The following GABRB1 variants were observed in gnomAD, a reference collection of about 807,000 sequenced individuals.
GABRB1 encodes the protein gamma-aminobutyric acid type A receptor subunit beta1.
In GABRB1, 17 loss-of-function variants were observed where a neutral mutation model predicts 51.6. That is an observed-to-expected ratio of 0.33 (90% CI 0.23 to 0.49). The LOEUF is 0.49. Among genes scored for constraint, GABRB1 ranks in the 20% least tolerant of loss-of-function variants. GABRB1 has a pLI of 0.99. For synonymous variants in GABRB1, 247 were observed against 218.9 expected (o/e 1.13, Z -1.14); for missense variants, 410 against 600.6 (o/e 0.68, Z 3.32).
chr4:47,053,330 C>G (rs981446776), intron 3 of GABRB1, among the ~76,000 whole-genome samples: 3 of 152,106 alleles, frequency 2.0e-5, no homozygotes, highest in Non-Finnish European at 4.4e-5. Context: ...GATGAAGGCA[C>G]CAGCAGGTCT....
chr4:47,320,118 C>T lies in GABRB1; in HGVS notation c.462-9C>T, dbSNP rs537824640. On this transcript the variant is annotated splice_polypyrimidine_tract_variant and intron_variant, in intron 4 of 8. Transcript: ENST00000295454. ...TAATGTTTTCTTTTTTCTCTCTCCT[C>T]TCTATCAGAATCACAACCACAGCTG... The T allele has an allele frequency of 1.9e-5, 30 of 1,559,010 alleles. No homozygotes were observed. In the East Asian group the frequency reaches 4.9e-4, roughly 26 times the overall value.
intron 4 of GABRB1, among the ~76,000 whole-genome samples, chr4:47,219,643 A>G (rs1041560346): frequency 1.3e-5 from 2 of 151,854 alleles, no homozygotes; most frequent in Non-Finnish European, 2.9e-5. Context: ...GTCAACATTC[A>G]TGTTGTAAAC....
intron 4 of GABRB1, among the ~76,000 whole-genome samples, chr4:47,286,975 T>C (rs977269642): frequency 3.3e-5 from 5 of 152,114 alleles, no homozygotes; most frequent in African/African-American, 1.2e-4. Flanking sequence ...CAAGTAAAAC[T>C]CATGGCTGGG....
chr4:47,333,980 A>G (rs1157400734), intron 5 of GABRB1, among the ~76,000 whole-genome samples: 1 of 152,178 alleles, frequency 6.6e-6, no homozygotes. Context: ...AGACAAAAAA[A>G]TTTCACTGAA....
At chr4:47,397,513 T>G (rs1401653456) in intron 5 of GABRB1, among the ~76,000 whole-genome samples, 1 of 152,198 alleles carries the variant, frequency 6.6e-6, no homozygotes, top group African/African-American at 2.4e-5. Flanking sequence ...GTTGTAAGTA[T>G]TGAGATTGTA....
At chr4:47,106,341 T>C (rs1714969467) in intron 3 of GABRB1, among the ~76,000 whole-genome samples, 1 of 152,000 alleles carries the variant, frequency 6.6e-6, no homozygotes, top group South Asian at 2.1e-4. Flanking sequence ...AGGGTAGGAA[T>C]TTCTAGAGGC....
intron 1 of GABRB1, among the ~76,000 whole-genome samples, chr4:47,024,253 T>C (rs2109455342): frequency 6.6e-6 from 1 of 152,098 alleles, no homozygotes; most frequent in African/African-American, 2.4e-5. Flanking sequence ...GCTTCTGGAA[T>C]TTACTTCCTA....
chr4:47,085,460 C>G (rs1178912124), intron 3 of GABRB1, among the ~76,000 whole-genome samples: 1 of 152,158 alleles, frequency 6.6e-6, no homozygotes, highest in Non-Finnish European at 1.5e-5. Flanking sequence ...AATTTCTGCG[C>G]TCATCAACTT....
chr4:47,079,663 C>G lies in GABRB1; in HGVS notation c.240+47179C>G, dbSNP rs182329540. Reference sequence around the variant, plus strand: ...CACATATACACCATGGAATACTATGCAGCCATGAAAAATGATGAGTTCATG... The same window carrying G: ...CACATATACACCATGGAATACTATGGAGCCATGAAAAATGATGAGTTCATG... On this transcript the variant is annotated intron_variant, in intron 3 of 8. Transcript: ENST00000295454. Among the ~76,000 whole-genome samples, 955 of 152,026 alleles carry G rather than the reference C, an allele frequency of 6.3e-3. 10 individuals are homozygous for G. The highest frequency in any genetic ancestry group is 8.4e-3 in the Non-Finnish European group (570 of 67,978).
At chr4:47,058,955 C>T (rs763104856) in intron 3 of GABRB1, among the ~76,000 whole-genome samples, 1 of 152,130 alleles carries the variant, frequency 6.6e-6, no homozygotes, top group Non-Finnish European at 1.5e-5. Context: ...GTGGTTTATA[C>T]TAATAATCAA....
At chr4:47,294,140 T>C (rs1021702955) in intron 4 of GABRB1, among the ~76,000 whole-genome samples, 3 of 152,086 alleles carry the variant, frequency 2.0e-5, no homozygotes, top group Admixed American at 6.5e-5. Flanking sequence ...GATGGCCAAA[T>C]AGGAACAGCT....
intron 3 of GABRB1, among the ~76,000 whole-genome samples, chr4:47,125,624 C>G (rs1296358754): frequency 6.0e-5 from 7 of 116,642 alleles, no homozygotes; most frequent in African/African-American, 9.3e-5. Flanking sequence ...GGCGGGATCT[C>G]GGCTCACTGC....
chr4:47,349,936 A>G (rs1265967742), intron 5 of GABRB1, among the ~76,000 whole-genome samples: 1 of 152,016 alleles, frequency 6.6e-6, no homozygotes, highest in Non-Finnish European at 1.5e-5. Context: ...TCTTACATAT[A>G]GTGGTCTTTG....
chr4:47,270,526 G>A (rs908750824), intron 4 of GABRB1, among the ~76,000 whole-genome samples: 9 of 152,114 alleles, frequency 5.9e-5, no homozygotes. Context: ...AGTGGGGAGG[G>A]AAACATTAAG....
At chr4:47,383,701 C>A (rs1727674406) in intron 5 of GABRB1, among the ~76,000 whole-genome samples, 1 of 152,058 alleles carries the variant, frequency 6.6e-6, no homozygotes, top group South Asian at 2.1e-4. Flanking sequence ...ATATGAGCTA[C>A]CATACTCCTC....
rs2035705773 is a variant in GABRB1 at position 47,162,096 on chromosome 4, C to T, written c.461+627C>T. 2.6e-5 allele frequency among the ~76,000 whole-genome samples: 4 copies of T among 151,854 alleles called. No individual in the cohort carries two copies. In the South Asian group the frequency reaches 8.3e-4, roughly 32 times the overall value. On this transcript the variant is annotated intron_variant, in intron 4 of 8. Transcript: ENST00000295454. ...TGAAATTTTTTCACTCTTTCTGTAC[C>T]CCAAGGACTTTCAACTTCAGTTAAA...
At chr4:47,065,610 A>G (rs1399214276) in intron 3 of GABRB1, among the ~76,000 whole-genome samples, 1 of 152,278 alleles carries the variant, frequency 6.6e-6, no homozygotes, top group Admixed American at 6.5e-5. Context: ...TCTGTTTTAA[A>G]TTCTTCTTAA....
At chr4:46,993,778 A>G (rs1577805413) in exon 1 of GABRB1, 1 of 226,262 alleles carries the variant, frequency 4.4e-6, no homozygotes, top group East Asian at 1.3e-4. Context: ...TCCGGGGATG[A>G]GGAACGGGGT....
At chr4:47,158,011 A>G (rs1717774943) in intron 3 of GABRB1, among the ~76,000 whole-genome samples, 1 of 152,110 alleles carries the variant, frequency 6.6e-6, no homozygotes, top group African/African-American at 2.4e-5. Context: ...ATTTTTACTC[A>G]ATATGTATTG....
Sources: gnomAD v4.1 joint callset for allele counts (sites outside exome capture counted in the v4.1 genomes callset) on GRCh38, gnomAD v4.1.1 for gene constraint, MANE v1.5 for transcripts, NCBI Gene and HGNC (gene_info 2026-07-23, HGNC 2026-07-21) for gene names.